Variants in ANKRD10 observed in about 807,000 individuals in gnomAD.
The protein encoded by ANKRD10 is ankyrin repeat domain 10, also known as ankyrin repeat domain-containing protein 10.
ANKRD10 carries 14 observed loss-of-function variants against 27.0 expected under a neutral mutation model. The ratio of observed to expected loss-of-function variants is 0.52; its 90% CI spans 0.34 to 0.81. The LOEUF is 0.81. ANKRD10 is among the 40% of genes least tolerant of loss of function. The probability of loss-of-function intolerance (pLI) is 0.01; values close to 1 mark genes in which losing one functional copy is unlikely to be tolerated. For missense variants in ANKRD10, 493 were observed against 544.0 expected (o/e 0.91, Z 0.93); for synonymous variants, 250 against 224.5 (o/e 1.11, Z -1.01).
chr13:110,892,112 A>G (rs1428300042), intron 4 of ANKRD10, among the ~76,000 whole-genome samples: 2 of 150,564 alleles, frequency 1.3e-5, no homozygotes. Context: ...GCAAACTCAA[A>G]CCTACCTTAA....
intron 1 of ANKRD10, among the ~76,000 whole-genome samples, chr13:110,911,365 T>G (rs1027234760): frequency 6.6e-6 from 1 of 152,010 alleles, no homozygotes; most frequent in Non-Finnish European, 1.5e-5. Flanking sequence ...GGCAGGAGAA[T>G]TGCTTGAACC....
chr13:110,881,771 T>C (rs2064824376), intron 5 of ANKRD10, among the ~76,000 whole-genome samples: 1 of 152,184 alleles, frequency 6.6e-6, no homozygotes, highest in East Asian at 1.9e-4. Context: ...ATAAAGTAGG[T>C]AGAATTTTAC....
At chr13:110,880,427 G>A (rs944928492) in intron 5 of ANKRD10, among the ~76,000 whole-genome samples, 5 of 152,128 alleles carry the variant, frequency 3.3e-5, no homozygotes, top group Middle Eastern at 3.2e-3. Flanking sequence ...TCAATAAAGT[G>A]CTCTCATTTT....
intron 3 of ANKRD10, chr13:110,905,136 CA>C (rs1250523083): frequency 6.6e-6 from 1 of 151,864 alleles, no homozygotes; most frequent in Non-Finnish European, 1.5e-5. Flanking sequence ...TAAGGTAAAA[CA>C]AAAAAGCTGA....
intron 1 of ANKRD10, among the ~76,000 whole-genome samples, chr13:110,913,708 C>G (rs2065789344): frequency 6.6e-6 from 1 of 152,148 alleles, no homozygotes; most frequent in Admixed American, 6.5e-5. Context: ...TTTCACATTA[C>G]CTCTCACATA....
chr13:110,903,305 T>G (rs780513865), intron 3 of ANKRD10, among the ~76,000 whole-genome samples: 14 of 152,106 alleles, frequency 9.2e-5, no homozygotes, highest in Non-Finnish European at 1.3e-4. Context: ...ACATTTAGTT[T>G]GGTCACAAGT....
At chr13:110,909,809 A>G (rs1411832801) in intron 2 of ANKRD10, among the ~76,000 whole-genome samples, 1 of 152,228 alleles carries the variant, frequency 6.6e-6, no homozygotes, top group Non-Finnish European at 1.5e-5. Context: ...AAGTAGAAAG[A>G]CGACTTTGCA....
At chr13:110,909,113 GCTT>G (rs999832584) in intron 2 of ANKRD10, among the ~76,000 whole-genome samples, 6 of 152,092 alleles carry the variant, frequency 3.9e-5, no homozygotes, top group Non-Finnish European at 8.8e-5. Context: ...TGAAAAGGGG[GCTT>G]CTTGATTTAA....
chr13:110,884,561 C>T (rs1290421280), intron 4 of ANKRD10, among the ~76,000 whole-genome samples: 1 of 152,240 alleles, frequency 6.6e-6, no homozygotes, highest in Non-Finnish European at 1.5e-5. Context: ...CACTGTTACA[C>T]CTTGCTTTAT....
At chr13:110,907,700 T>C (rs185935880) in intron 2 of ANKRD10, among the ~76,000 whole-genome samples, 116 of 152,282 alleles carry the variant, frequency 7.6e-4, no homozygotes, top group African/African-American at 2.7e-3. Context: ...GGCTATAAAC[T>C]ATCCAGTCAA....
Position 110,883,664 on chromosome 13 carries a change from T to C in ANKRD10, c.787+34A>G, listed in dbSNP as rs765049319. ...TTTGGTGTCTTCAACCATTGGATTG[T>C]TGTTGCAGCTAACAGGAAACTGTCC... is the stretch of plus-strand genomic sequence containing the variant. On this transcript the variant is annotated intron_variant, in intron 5 of 5. Coordinates refer to ENST00000267339, the MANE Select transcript of ANKRD10 (RefSeq NM_017664.4). 7.4e-6 allele frequency: 12 copies of C among 1,612,224 alleles called. No homozygotes were observed. In the East Asian group the frequency reaches 2.0e-4, roughly 27 times the overall value.
At position 110,914,717 on chromosome 13, in the gene ANKRD10, G is replaced by C; in HGVS notation, c.210+8C>G. On this transcript the variant is annotated splice_region_variant and intron_variant, in intron 1 of 5. Transcript: ENST00000267339. ...GGGAAAATGGCGCCTTAAAGCGTTC[G>C]CACCCACCTTGCCGAAATGCGCGGC... is the stretch of plus-strand genomic sequence containing the variant. 2 of 1,571,168 alleles carry C rather than the reference G, an allele frequency of 1.3e-6. No homozygotes were observed. Among genetic ancestry groups the C allele is most frequent in the Non-Finnish European group, 1.7e-6 (2 of 1,158,878 alleles).
At chr13:110,892,677 A>T in intron 4 of ANKRD10, 5 of 631,762 alleles carry the variant, frequency 7.9e-6, no homozygotes, top group Non-Finnish European at 8.7e-6. Context: ...GAAGCAAATT[A>T]AAAAAAAAAA....
rs536107536 is a variant in ANKRD10, at chr13:110,900,202, G to C, written c.455+5831C>G. Among the ~76,000 whole-genome samples, 8 of 152,216 alleles carry C rather than the reference G, an allele frequency of 5.3e-5. No homozygotes were observed. In the East Asian group the frequency reaches 1.3e-3, roughly 26 times the overall value. ...TTCCACTTATAGTGCCACAATTCCA[G>C]AACAAAGGAGAAGCCATTCTGATGA... On this transcript the variant is annotated intron_variant, in intron 3 of 5. Transcript: ENST00000267339.
At position 110,894,131 on chromosome 13, in the gene ANKRD10, G is replaced by C. The variant is rs1276921162; in HGVS notation, c.456-868C>G. The C allele has an allele frequency of 5.0e-6, 8 of 1,611,084 alleles. No individual in the cohort carries two copies. The East Asian group carries it at 1.8e-4, about 36-fold the overall frequency. On this transcript the variant is annotated intron_variant, in intron 3 of 5. Coordinates refer to ENST00000267339, the MANE Select transcript of ANKRD10 (RefSeq NM_017664.4). ...AACCTTTAGACACTGAATTAAAACTGAGGGATCAAAAGTAACTCCATGTTG... is the reference window on the plus strand; with the variant it reads ...AACCTTTAGACACTGAATTAAAACTCAGGGATCAAAAGTAACTCCATGTTG...
At chr13:110,914,574 G>T in intron 1 of ANKRD10, 151 bp downstream of exon 1, 1 of 1,109,444 alleles carries the variant, frequency 9.0e-7, no homozygotes, top group Non-Finnish European at 1.2e-6. Flanking sequence ...TGCCGCACAG[G>T]CGCCCTAGGC....
intron 4 of ANKRD10, among the ~76,000 whole-genome samples, chr13:110,892,164 G>A (rs2065091806): frequency 6.6e-6 from 1 of 150,562 alleles, no homozygotes; most frequent in Non-Finnish European, 1.5e-5. Flanking sequence ...AGGCACAGTG[G>A]CTCATGCCTG....
intron 1 of ANKRD10, 87 bp downstream of exon 1, chr13:110,914,638 C>T: frequency 2.1e-6 from 3 of 1,458,750 alleles, no homozygotes; most frequent in South Asian, 2.8e-5. Context: ...TCCCGGCACG[C>T]CCCACGTCCC....
intron 3 of ANKRD10, among the ~76,000 whole-genome samples, chr13:110,905,802 T>C (rs1030735418): frequency 3.9e-5 from 6 of 152,212 alleles, no homozygotes; most frequent in African/African-American, 1.4e-4. Context: ...TCAGTTCAAA[T>C]ACACTCTCTC....
Sources: gnomAD v4.1 joint callset for allele counts (sites outside exome capture counted in the v4.1 genomes callset) on GRCh38, gnomAD v4.1.1 for gene constraint, MANE v1.5 for transcripts, NCBI Gene and HGNC (gene_info 2026-07-23, HGNC 2026-07-21) for gene names.